Variants in SNW1 observed in about 807,000 individuals in gnomAD.
The protein encoded by SNW1 is SNW domain containing 1.
SNW1 carries 9 observed loss-of-function variants against 75.6 expected under a neutral mutation model. The observed-to-expected ratio is 0.12, with a 90% CI of 0.07 to 0.21. SNW1 has a LOEUF of 0.21. SNW1 is among the 10% of genes least tolerant of loss of function. SNW1 has a pLI of 1.00. For missense variants in SNW1, 409 were observed against 670.9 expected (o/e 0.61, Z 4.31); for synonymous variants, 200 against 219.1 (o/e 0.91, Z 0.77).
intron 1 of SNW1, chr14:77,760,824 C>A: frequency 1.4e-6 from 1 of 723,686 alleles, no homozygotes; most frequent in Non-Finnish European, 2.5e-6. Flanking sequence ...GGAGCGCTGT[C>A]CGCTCCCCGC....
intron 2 of SNW1, among the ~76,000 whole-genome samples, chr14:77,752,652 A>G (rs2080817441): frequency 6.6e-6 from 1 of 152,210 alleles, no homozygotes; most frequent in African/African-American, 2.4e-5. Flanking sequence ...TTCTACTACT[A>G]TGAAATACCT....
intron 3 of SNW1, among the ~76,000 whole-genome samples, chr14:77,747,499 C>T (rs1371572450): frequency 6.6e-6 from 1 of 150,700 alleles, no homozygotes; most frequent in Non-Finnish European, 1.5e-5. Context: ...CGCCCATCGT[C>T]TGAGATGTGG....
At chr14:77,718,942 CT>C (rs2080513994) in intron 12 of SNW1, among the ~76,000 whole-genome samples, 3 of 152,150 alleles carry the variant, frequency 2.0e-5, no homozygotes, top group Non-Finnish European at 2.9e-5. Context: ...AACCCCTGAC[CT>C]CAGGTGATCG....
intron 3 of SNW1, among the ~76,000 whole-genome samples, chr14:77,739,334 T>TC (rs1328409053): frequency 6.6e-6 from 1 of 152,206 alleles, no homozygotes; most frequent in African/African-American, 2.4e-5. Flanking sequence ...GCCAACAAAA[T>TC]CATGCATTGA....
At position 77,754,816 on chromosome 14, in the gene SNW1, G is replaced by A. The variant is rs2080832088; in HGVS notation, c.168+151C>T. 4.5e-6 allele frequency: 3 copies of A among 662,768 alleles called. No individual in the cohort carries two copies. The East Asian group carries it at 8.4e-5, about 19-fold the overall frequency. 41.1% of individuals were successfully genotyped at this position (662,768 alleles called of 1,614,324 possible). The stretch of plus-strand genomic sequence containing the variant: ...GCAAAAAGAAAATGATACATCTTCT[G>A]AGGGAAATATACATCTTGAGAGCAC... On this transcript the variant is annotated intron_variant, in intron 2 of 13. Coordinates refer to ENST00000261531, the MANE Select transcript of SNW1 (RefSeq NM_012245.3).
intron 5 of SNW1, 40 bp from the exon 6 acceptor site, chr14:77,737,115 A>C: frequency 7.2e-7 from 1 of 1,388,026 alleles, no homozygotes; most frequent in Non-Finnish European, 1.0e-6. Context: ...TAATTAGTTC[A>C]AGCTTTCAGT....
At position 77,718,277 on chromosome 14, in the gene SNW1, G is replaced by A. The variant is rs757411345; in HGVS notation, c.1422C>T (p.Pro474=). The part of the protein sequence containing the change: ...EARIKTNRFV[P]DKEFSGSDRR... ...GGTCTGAACCAGAAAACTCCTTGTC[G>A]GGAACAAATCTAAGGAAAAGGAGAA... Residue 474 remains proline, a synonymous_variant, in exon 14 of 14, where the codon CCC becomes CCT. Transcript: ENST00000261531. The A allele has an allele frequency of 3.4e-5, 55 of 1,613,454 alleles. No individual in the cohort carries two copies. Among genetic ancestry groups the A allele is most frequent in the South Asian group, 2.6e-4 (24 of 91,044 alleles).
At position 77,732,378 on chromosome 14, in the gene SNW1, G is replaced by C. The variant is rs1032036805; in HGVS notation, c.891+107C>G. ...TTTCTGACACACGTACCATGGGTGA[G>C]ACTCTCTTTGGGTGCTCGGTACTAT... On this transcript the variant is annotated intron_variant, in intron 9 of 13. Coordinates refer to ENST00000261531, the MANE Select transcript of SNW1 (RefSeq NM_012245.3). The C allele has an allele frequency of 5.7e-6, 4 of 704,396 alleles. No homozygotes were observed. The African/African-American group carries it at 7.1e-5, about 12-fold the overall frequency. The allele number at this position is 704,396 out of a possible 1,614,324, so 43.6% of individuals were successfully genotyped here.
At chr14:77,728,498 T>G (rs1189379036) in intron 10 of SNW1, among the ~76,000 whole-genome samples, 1 of 152,072 alleles carries the variant, frequency 6.6e-6, no homozygotes, top group African/African-American at 2.4e-5. Context: ...AAAAAAGGAA[T>G]TATGCATAAT....
chr14:77,733,781 G>GA (rs200472825), intron 8 of SNW1, among the ~76,000 whole-genome samples: 8,871 of 98,416 alleles, frequency 0.09, 340 homozygotes, highest in African/African-American at 0.12. Context: ...AAAGAAAAAA[G>GA]AAAAAAAAAT....
At chr14:77,730,087 C>T (rs1268760919) in intron 10 of SNW1, among the ~76,000 whole-genome samples, 1 of 152,166 alleles carries the variant, frequency 6.6e-6, no homozygotes, top group African/African-American at 2.4e-5. Flanking sequence ...CTTGCTGGCC[C>T]TTCTGTGTGG....
chr14:77,728,819 A>G (rs2080606695), intron 10 of SNW1, among the ~76,000 whole-genome samples: 1 of 152,234 alleles, frequency 6.6e-6, no homozygotes, highest in South Asian at 2.1e-4. Flanking sequence ...CCCAGGGATT[A>G]TGAGATAATG....
intron 3 of SNW1, among the ~76,000 whole-genome samples, chr14:77,743,697 C>T (rs995636304): frequency 2.0e-5 from 3 of 152,158 alleles, no homozygotes; most frequent in Non-Finnish European, 2.9e-5. Context: ...CCTCTAACTC[C>T]TCTCTCCCAG....
intron 10 of SNW1, among the ~76,000 whole-genome samples, chr14:77,726,045 A>G (rs1377429397): frequency 1.3e-5 from 2 of 152,142 alleles, no homozygotes; most frequent in African/African-American, 4.8e-5. Flanking sequence ...GCCTTGTAGT[A>G]TATTTTGAAG....
At chr14:77,759,195 G>A (rs2080865960) in intron 1 of SNW1, among the ~76,000 whole-genome samples, 1 of 152,190 alleles carries the variant, frequency 6.6e-6, no homozygotes, top group African/African-American at 2.4e-5. Flanking sequence ...TTCTGCCACT[G>A]CAATTTTAAG....
chr14:77,740,265 AG>A (rs1212881374), intron 3 of SNW1, among the ~76,000 whole-genome samples: 1 of 152,148 alleles, frequency 6.6e-6, no homozygotes, highest in African/African-American at 2.4e-5. Flanking sequence ...TAAATATCAA[AG>A]AAAATCAAAT....
intron 1 of SNW1, 29 bp downstream of exon 1, chr14:77,761,085 C>G (rs766740928): frequency 1.4e-5 from 22 of 1,614,136 alleles, no homozygotes; most frequent in Non-Finnish European, 1.8e-5. Context: ...CAGACCCTTC[C>G]GTATCGAGGA....
chr14:77,723,480 C>G (rs913336495), intron 10 of SNW1, among the ~76,000 whole-genome samples: 19 of 151,986 alleles, frequency 1.3e-4, no homozygotes, highest in African/African-American at 4.3e-4. Flanking sequence ...CTCCCGAGTA[C>G]CTGGGACCAC....
chr14:77,742,610 C>G (rs2080727405), intron 3 of SNW1, among the ~76,000 whole-genome samples: 1 of 152,096 alleles, frequency 6.6e-6, no homozygotes, highest in South Asian at 2.1e-4. Context: ...TCTAGCTTAG[C>G]TAGTGTGTGA....
Sources: allele counts gnomAD v4.1 joint callset (sites outside exome capture counted in the v4.1 genomes callset), GRCh38; gene constraint gnomAD v4.1.1; transcripts MANE v1.5; gene names NCBI Gene and HGNC (gene_info 2026-07-23, HGNC 2026-07-21).